Variants in ALDH8A1 observed in about 807,000 individuals in gnomAD.
ALDH8A1 encodes 2-aminomuconic semialdehyde dehydrogenase.
In ALDH8A1, 39 loss-of-function variants were observed where a neutral mutation model predicts 43.3. That is an observed-to-expected ratio of 0.90 (90% CI 0.70 to 1.18). The LOEUF is 1.18. ALDH8A1 is among the 50% of genes most tolerant of loss of function. The probability of loss-of-function intolerance (pLI) is 0.00; values close to 1 mark genes in which losing one functional copy is unlikely to be tolerated. For synonymous variants in ALDH8A1, 233 were observed against 243.5 expected (o/e 0.96, Z 0.40); for missense variants, 605 against 622.6 (o/e 0.97, Z 0.30).
intron 3 of ALDH8A1, 175 bp downstream of exon 3, chr6:134,942,234 G>A (rs1583035192): frequency 1.2e-6 from 1 of 835,658 alleles, no homozygotes. Flanking sequence ...GAAAAGCAGG[G>A]AATTTGACAC....
chr6:134,924,967 T>C (rs1043839170), intron 6 of ALDH8A1, among the ~76,000 whole-genome samples: 13 of 152,218 alleles, frequency 8.5e-5, no homozygotes, highest in South Asian at 2.1e-4. Flanking sequence ...TGGTACCTTT[T>C]TAATAAGTTG....
chr6:134,936,500 G>T (rs879550910), intron 4 of ALDH8A1, among the ~76,000 whole-genome samples: 22 of 152,190 alleles, frequency 1.4e-4, no homozygotes, highest in Non-Finnish European at 2.9e-4. Context: ...CCAGTGATGG[G>T]GCATGCATGT....
In ALDH8A1 at chr6:134,946,409, GT is replaced by G. The variant is rs564406120; in HGVS notation, c.139-2444del. Among the ~76,000 whole-genome samples the G allele has an allele frequency of 2.4e-4, 36 of 152,244 alleles. No homozygotes were observed. The East Asian group carries it at 6.7e-3, about 29-fold the overall frequency. ...TCTTTTTGCTATTCAGAAAATTCAAGTCCACTCATATTTTCTAAGTTGCCTT... is the reference window on the plus strand; with the variant it reads ...TCTTTTTGCTATTCAGAAAATTCAAGCCACTCATATTTTCTAAGTTGCCTT... On this transcript the variant is annotated intron_variant, in intron 1 of 6. Coordinates refer to ENST00000265605, the MANE Select transcript of ALDH8A1 (RefSeq NM_022568.4).
intron 5 of ALDH8A1, 75 bp downstream of exon 5, chr6:134,932,701 G>A (rs1057490799): frequency 6.4e-7 from 1 of 1,562,212 alleles, no homozygotes; most frequent in Non-Finnish European, 8.7e-7. Context: ...TTGCTCCCAG[G>A]CATTGCACTG....
intron 3 of ALDH8A1, among the ~76,000 whole-genome samples, chr6:134,940,524 A>G (rs1191085967): frequency 1.3e-5 from 2 of 152,180 alleles, no homozygotes; most frequent in Non-Finnish European, 1.5e-5. Flanking sequence ...CCTTTGGTGC[A>G]TGGACTGTGA....
intron 1 of ALDH8A1, among the ~76,000 whole-genome samples, chr6:134,949,049 A>G (rs564095167): frequency 6.6e-6 from 1 of 152,274 alleles, no homozygotes; most frequent in African/African-American, 2.4e-5. Context: ...ACAAAAAAGA[A>G]AAAAAATAGC....
Position 134,920,033 on chromosome 6 carries a change from C to G in ALDH8A1, c.1012-1166G>C, listed in dbSNP as rs1029645106. 4.6e-5 allele frequency among the ~76,000 whole-genome samples: 7 copies of G among 152,310 alleles called. No homozygotes were observed. In the South Asian group the frequency reaches 1.5e-3, roughly 32 times the overall value. On this transcript the variant is annotated intron_variant, in intron 6 of 6. Coordinates refer to ENST00000265605, the MANE Select transcript of ALDH8A1 (RefSeq NM_022568.4). The stretch of plus-strand genomic sequence containing the variant: ...TGAAGAGATCCTCCCACCTCAGCCT[C>G]TCGAGTAGCTGAGCCTATAAACACA...
At chr6:134,933,118 C>T (rs1583028726) in intron 4 of ALDH8A1, 86 bp from the exon 5 acceptor site, 12 of 1,403,552 alleles carry the variant, frequency 8.5e-6, no homozygotes, top group Middle Eastern at 2.0e-4. Context: ...AAAGTCCAAT[C>T]GCTTGAATGG....
At chr6:134,923,184 G>A (rs908402250) in intron 6 of ALDH8A1, among the ~76,000 whole-genome samples, 2 of 151,922 alleles carry the variant, frequency 1.3e-5, no homozygotes, top group African/African-American at 2.4e-5. Flanking sequence ...GCACTACCAC[G>A]CCTGGCTAAA....
intron 5 of ALDH8A1, among the ~76,000 whole-genome samples, chr6:134,930,971 T>C (rs764251016): frequency 2.0e-5 from 3 of 152,212 alleles, no homozygotes; most frequent in Admixed American, 1.3e-4. Context: ...AATTAGTACA[T>C]GTCCAGGGTC....
At chr6:134,935,377 A>G (rs565181016) in intron 4 of ALDH8A1, among the ~76,000 whole-genome samples, 4 of 152,246 alleles carry the variant, frequency 2.6e-5, no homozygotes, top group Non-Finnish European at 5.9e-5. Context: ...TTGAATAACA[A>G]TCAGTAAGCA....
chr6:134,939,441 C>T, intron 3 of ALDH8A1, 26 bp from the exon 4 acceptor site: 1 of 1,609,370 alleles, frequency 6.2e-7, no homozygotes, highest in Non-Finnish European at 8.5e-7. Context: ...AGAAGCACTG[C>T]CTGTGACGGC....
intron 1 of ALDH8A1, among the ~76,000 whole-genome samples, chr6:134,944,554 T>C (rs1773919514): frequency 2.6e-5 from 4 of 152,144 alleles, no homozygotes; most frequent in Non-Finnish European, 4.4e-5. Context: ...TTTTAACATA[T>C]GTACATTTTC....
intron 5 of ALDH8A1, 86 bp from the exon 6 acceptor site, chr6:134,929,301 T>C: frequency 3.5e-6 from 5 of 1,441,344 alleles, no homozygotes; most frequent in Non-Finnish European, 4.7e-6. Context: ...CTGCCATGTA[T>C]CAGGCACTGG....
intron 3 of ALDH8A1, 49 bp from the exon 4 acceptor site, chr6:134,939,464 G>A: frequency 6.3e-7 from 1 of 1,589,164 alleles, no homozygotes; most frequent in African/African-American, 1.3e-5. Context: ...ACCCCTCTGA[G>A]GTGGACTGGC....
intron 5 of ALDH8A1, 98 bp downstream of exon 5, chr6:134,932,678 T>A (rs1364806656): frequency 2.5e-5 from 38 of 1,504,070 alleles, no homozygotes; most frequent in Middle Eastern, 2.1e-4. Flanking sequence ...GAAATGGCAC[T>A]GGATTGACTG....
At chr6:134,928,204 C>T (rs1237892935) in intron 6 of ALDH8A1, among the ~76,000 whole-genome samples, 1 of 152,168 alleles carries the variant, frequency 6.6e-6, no homozygotes, top group Non-Finnish European at 1.5e-5. Context: ...ACACCTTTTC[C>T]CCTCCTCACC....
At chr6:134,945,296 C>T (rs1773931687) in intron 1 of ALDH8A1, among the ~76,000 whole-genome samples, 1 of 152,120 alleles carries the variant, frequency 6.6e-6, no homozygotes. Flanking sequence ...AGGACTCAAA[C>T]CCAGATTTTG....
chr6:134,946,786 G>GCA lies in ALDH8A1; in HGVS notation c.139-2821_139-2820insTG, dbSNP rs1562261616. ...CACACAGGTGCGCATGTGTGCGCGC[G>GCA]CGCACAGGTGCGCATGTGTGCGTGC... is the stretch of plus-strand genomic sequence containing the variant. On this transcript the variant is annotated intron_variant, in intron 1 of 6. Coordinates refer to ENST00000265605, the MANE Select transcript of ALDH8A1 (RefSeq NM_022568.4). Among the ~76,000 whole-genome samples, 20 of 150,040 alleles carry GCA rather than the reference G, an allele frequency of 1.3e-4. 1 individual carries two copies. The highest frequency in any genetic ancestry group is 5.3e-4 in the Admixed American group (8 of 15,220).
Sources: allele counts gnomAD v4.1 joint callset (sites outside exome capture counted in the v4.1 genomes callset), GRCh38; gene constraint gnomAD v4.1.1; transcripts MANE v1.5; gene names NCBI Gene and HGNC (gene_info 2026-07-23, HGNC 2026-07-21).